Variants in ANO5 observed in about 807,000 individuals in gnomAD.
The protein encoded by ANO5 is anoctamin 5.
Under a neutral mutation model 121.0 loss-of-function variants are expected in ANO5, and 109 were observed. The ratio of observed to expected loss-of-function variants is 0.90; its 90% CI spans 0.77 to 1.06. The LOEUF (loss-of-function observed/expected upper bound fraction) is 1.06, where lower values mean the gene tolerates loss of function less well. ANO5 is among the 50% of genes least tolerant of loss of function. The pLI is 0.00. For synonymous variants in ANO5, 406 were observed against 359.9 expected (o/e 1.13, Z -1.45); for missense variants, 1,064 against 1,078.5 (o/e 0.99, Z 0.19).
chr11:22,261,489 C>T (rs1854186498), intron 15 of ANO5: 1 of 152,698 alleles, frequency 6.5e-6, no homozygotes, highest in East Asian at 1.9e-4. Context: ...ATGGTGAAAC[C>T]CTGTCTCTAC....
Position 22,280,019 on chromosome 11 carries a change from A to C in ANO5, c.*254A>C. ...TGAGGTGCTGTAAATGACTGTTGAA[A>C]GTGCAGGTAGAATCAGAATACTGGG... On this transcript the variant is annotated 3_prime_UTR_variant, in exon 22 of 22. Coordinates refer to ENST00000324559, the MANE Select transcript of ANO5 (RefSeq NM_213599.3). 4.2e-6 allele frequency: 2 copies of C among 473,650 alleles called. No homozygotes were observed. Among genetic ancestry groups the C allele is most frequent in the Admixed American group, 7.5e-5 (2 of 26,706 alleles). The allele number at this position is 473,650 out of a possible 1,614,324, so 29.3% of individuals were successfully genotyped here.
rs140381407 is a variant in ANO5, at chr11:22,227,491, G to C, written c.553G>C (p.Glu185Gln). 4.0e-4 allele frequency: 645 copies of C among 1,613,420 alleles called. No individual in the cohort carries two copies. Among genetic ancestry groups the C allele is most frequent in the Non-Finnish European group, 5.1e-4 (598 of 1,179,752 alleles). Residue 185 changes from glutamate to glutamine, a missense_variant, in exon 7 of 22, where the codon GAA becomes CAA. Glu to Gln is a conservative substitution (Grantham distance 29). Transcript: ENST00000324559. Reference protein sequence around the residue: ...LPLSVKYPHPEYFTAQFSRHR... With the variant: ...LPLSVKYPHPQYFTAQFSRHR... ...ACTGAGTGTGAAGTATCCCCATCCT[G>C]AATATTTTACTGCACAATTCAGCAG...
chr11:22,279,439 A>G (rs1347132194), intron 21 of ANO5, 105 bp from the exon 22 acceptor site: 4 of 941,040 alleles, frequency 4.3e-6, no homozygotes, highest in Admixed American at 2.0e-5. Flanking sequence ...TTTCTACCTC[A>G]TATGTTGAGC....
intron 1 of ANO5, 67 bp from the exon 2 acceptor site, chr11:22,203,737 C>T (rs1852031314): frequency 3.0e-6 from 3 of 1,002,330 alleles, no homozygotes; most frequent in Admixed American, 4.3e-5. Context: ...TTTCCTTACA[C>T]AGACTTTTGA....
At chr11:22,263,302 A>C (rs115214237) in intron 17 of ANO5, among the ~76,000 whole-genome samples, 2 of 152,156 alleles carry the variant, frequency 1.3e-5, no homozygotes. Context: ...ATCTATATTT[A>C]TGAGGTACAA....
chr11:22,225,905 T>C, intron 5 of ANO5, 79 bp from the exon 6 acceptor site: 1 of 1,075,052 alleles, frequency 9.3e-7, no homozygotes, highest in Non-Finnish European at 1.4e-6. Context: ...GTCACAGCCA[T>C]TGTATATTGA....
Position 22,262,184 on chromosome 11 carries a change from GTTTCAGT to G in ANO5, c.1689_1695del (p.Phe563LeufsTer2). On this transcript the variant is annotated frameshift_variant, in exon 16 of 22. Transcript: ENST00000324559. LOFTEE classifies it high-confidence loss of function. ...GCAGTCTTACCTTGAAAATGTTCCT[GTTTCAGT>G]TTGTAAATTTTTACTCATCCTGCTT... The G allele has an allele frequency of 6.2e-7, 1 of 1,613,920 alleles. No homozygotes were observed. The highest frequency in any genetic ancestry group is 8.5e-7 in the Non-Finnish European group (1 of 1,179,948).
rs1853788035 is a variant in ANO5 at position 22,250,783 on chromosome 11, G to A, written c.1056G>A (p.Met352Ile). ...CDPEIGGQMIMCPLCDQVCDY... is the reference protein window; with the variant it reads ...CDPEIGGQMIICPLCDQVCDY... ...CTGAGATTGGTGGTCAGATGATCAT[G>A]TGCCCACTCTGTGATCAAGTGTGTG... The change falls in exon 11 of 22, where the codon ATG becomes ATA. Residue 352 changes from methionine to isoleucine, a missense_variant. Physicochemically the swap from Met to Ile is conservative, Grantham distance 10. Transcript: ENST00000324559. The A allele has an allele frequency of 1.9e-6, 3 of 1,614,084 alleles. No individual in the cohort carries two copies. Among genetic ancestry groups the A allele is most frequent in the Non-Finnish European group, 2.5e-6 (3 of 1,179,952 alleles).
At chr11:22,258,961 G>A (rs1232900062) in intron 14 of ANO5, among the ~76,000 whole-genome samples, 4 of 151,824 alleles carry the variant, frequency 2.6e-5, no homozygotes, top group Admixed American at 6.6e-5. Context: ...GTGAAACCCC[G>A]TCTCTACTAA....
intron 17 of ANO5, 45 bp from the exon 18 acceptor site, chr11:22,270,266 TC>T: frequency 6.2e-7 from 1 of 1,610,322 alleles, no homozygotes; most frequent in Non-Finnish European, 8.5e-7. Context: ...CTGATCGCTT[TC>T]TTTTTGGTCC....
At chr11:22,235,047 A>T (rs1853169267) in intron 7 of ANO5, among the ~76,000 whole-genome samples, 1 of 152,070 alleles carries the variant, frequency 6.6e-6, no homozygotes, top group African/African-American at 2.4e-5. Context: ...TCTGCCTGAC[A>T]TTTCAGATGT....
intron 15 of ANO5, among the ~76,000 whole-genome samples, chr11:22,260,966 T>TA (rs1214402894): frequency 6.6e-6 from 1 of 152,222 alleles, no homozygotes; most frequent in Non-Finnish European, 1.5e-5. Context: ...CACTATTTGC[T>TA]AATTACATTA....
At chr11:22,237,581 G>A (rs756228920) in intron 8 of ANO5, among the ~76,000 whole-genome samples, 12 of 151,980 alleles carry the variant, frequency 7.9e-5, no homozygotes, top group Non-Finnish European at 1.3e-4. Context: ...AGTAGAGACG[G>A]GGTTTTGCTA....
chr11:22,237,591 A>C (rs563385987), intron 8 of ANO5, among the ~76,000 whole-genome samples: 1 of 152,004 alleles, frequency 6.6e-6, no homozygotes. Context: ...GGGTTTTGCT[A>C]TGTTGGCCAG....
chr11:22,236,879 C>T (rs1400433544), intron 8 of ANO5, among the ~76,000 whole-genome samples: 1 of 152,074 alleles, frequency 6.6e-6, no homozygotes, highest in Non-Finnish European at 1.5e-5. Flanking sequence ...TGGGGGCTGG[C>T]AAATCATTGT....
In ANO5 at chr11:22,227,019, T is replaced by C. The variant is rs11827827; in HGVS notation, c.364-283T>C. Among the ~76,000 whole-genome samples, 12,624 of 152,156 alleles carry C rather than the reference T, an allele frequency of 0.083. 1,781 individuals are homozygous for C. The highest frequency in any genetic ancestry group is 0.29 in the African/African-American group (11,995 of 41,492). On this transcript the variant is annotated intron_variant, in intron 6 of 21. Coordinates refer to ENST00000324559, the MANE Select transcript of ANO5 (RefSeq NM_213599.3). ...TTTAGAGATGAGTATACATTGACCA[T>C]GAAATATATGTTTAAAAATAGTCTT... is the stretch of plus-strand genomic sequence containing the variant.
chr11:22,262,653 G>GAGA, intron 16 of ANO5, among the ~76,000 whole-genome samples: 1 of 152,254 alleles, frequency 6.6e-6, no homozygotes, highest in African/African-American at 2.4e-5. Context: ...CCAAATTGTG[G>GAGA]AGAATGGAAG....
rs539430879 is a variant in ANO5, at chr11:22,279,905, T to G, written c.*140T>G. On this transcript the variant is annotated 3_prime_UTR_variant, in exon 22 of 22. Transcript: ENST00000324559. ...TTTTTTTTTTTAAACTCAAAGTTTT[T>G]ATACACTTTTATAGAGGCCAACTTT... is the stretch of plus-strand genomic sequence containing the variant. 2 of 748,032 alleles carry G rather than the reference T, an allele frequency of 2.7e-6. No homozygotes were observed. Among genetic ancestry groups the G allele is most frequent in the East Asian group, 5.4e-5 (2 of 37,214 alleles). The allele number at this position is 748,032 out of a possible 1,614,324, so 46.3% of individuals were successfully genotyped here. A position where few individuals can be genotyped will look rare whatever the true frequency, so the allele number is the denominator to read the frequency against.
Position 22,274,767 on chromosome 11 carries a change from G to GTTTT in ANO5, c.2414+23_2414+24insTTTT. 3.7e-6 allele frequency: 6 copies of GTTTT among 1,611,370 alleles called. No homozygotes were observed. The highest frequency in any genetic ancestry group is 5.1e-6 in the Non-Finnish European group (6 of 1,178,800). On this transcript the variant is annotated intron_variant, in intron 20 of 21. Coordinates refer to ENST00000324559, the MANE Select transcript of ANO5 (RefSeq NM_213599.3). ...TTGCAGGTGATTTGTTTGTTTGTTT[G>GTTTT]TTTAGGTTTTAGTTTTATCCCTTAA...
Sources: allele counts gnomAD v4.1 joint callset (sites outside exome capture counted in the v4.1 genomes callset), GRCh38; gene constraint gnomAD v4.1.1; transcripts MANE v1.5; gene names NCBI Gene and HGNC (gene_info 2026-07-23, HGNC 2026-07-21).